Variants in RPH3A observed in about 807,000 individuals in gnomAD.
RPH3A encodes the protein rabphilin 3A.
In RPH3A, 48 loss-of-function variants were observed where a neutral mutation model predicts 102.2. That is an observed-to-expected ratio of 0.47 (90% confidence interval 0.37 to 0.60). RPH3A has a LOEUF of 0.60. Ranked by LOEUF, RPH3A falls within the 20% of genes least tolerant of loss-of-function variation. The pLI is 0.00. For synonymous variants in RPH3A, 310 were observed against 324.3 expected, an observed-to-expected ratio of 0.96 and a Z score of 0.47; for missense variants, 781 against 910.1, an observed-to-expected ratio of 0.86 and a Z score of 1.83.
intron 2 of RPH3A, among the ~76,000 whole-genome samples, chr12:112,817,702 A>G (rs1252655241): frequency 2.0e-5 from 3 of 151,800 alleles, no homozygotes; most frequent in African/African-American, 7.3e-5. Context: ...TTTTGCTTTT[A>G]ATTAGTGTTG....
chr12:112,581,960 C>T (rs1465596407), intron 1 of RPH3A, among the ~76,000 whole-genome samples: 1 of 147,792 alleles, frequency 6.8e-6, no homozygotes, highest in Non-Finnish European at 1.5e-5. Context: ...TTCCTTGACA[C>T]ACCTACCAAC....
chr12:112,660,302 A>G (rs1055258348), intron 1 of RPH3A, among the ~76,000 whole-genome samples: 1 of 152,048 alleles, frequency 6.6e-6, no homozygotes, highest in South Asian at 2.1e-4. Flanking sequence ...CCCTTTCTAT[A>G]TTTGTAACTC....
intron 1 of RPH3A, among the ~76,000 whole-genome samples, chr12:112,659,455 T>C (rs950123355): frequency 6.6e-6 from 1 of 152,214 alleles, no homozygotes; most frequent in Admixed American, 6.5e-5. Flanking sequence ...ATTCAGGTTG[T>C]GCATCTTTAG....
chr12:112,611,480 T>C (rs758183719), intron 1 of RPH3A, among the ~76,000 whole-genome samples: 1 of 152,166 alleles, frequency 6.6e-6, no homozygotes, highest in Non-Finnish European at 1.5e-5. Flanking sequence ...GGATTGTTTT[T>C]TTTTCGGGAG....
intron 1 of RPH3A, among the ~76,000 whole-genome samples, chr12:112,748,088 G>A (rs1440339804): frequency 6.6e-6 from 1 of 152,204 alleles, no homozygotes; most frequent in Non-Finnish European, 1.5e-5. Flanking sequence ...TGGAAGATGG[G>A]GAGAAAAGAC....
At chr12:112,712,918 CTTCTTCCT>C (rs2040476497) in intron 1 of RPH3A, among the ~76,000 whole-genome samples, 1 of 107,840 alleles carries the variant, frequency 9.3e-6, no homozygotes, top group Non-Finnish European at 1.8e-5. Context: ...TCTTCTTCTT[CTTCTTCCT>C]CTTCTTCTTC....
intron 1 of RPH3A, among the ~76,000 whole-genome samples, chr12:112,729,323 C>T (rs1163925901): frequency 6.6e-6 from 1 of 151,956 alleles, no homozygotes; most frequent in African/African-American, 2.4e-5. Flanking sequence ...GCTGAGTCTA[C>T]AGGTAAGTGT....
intron 1 of RPH3A, among the ~76,000 whole-genome samples, chr12:112,615,533 C>T (rs1277607082): frequency 6.6e-6 from 1 of 152,204 alleles, no homozygotes; most frequent in Non-Finnish European, 1.5e-5. Context: ...TAGGGACCCA[C>T]TCATACCAGG....
intron 3 of RPH3A, among the ~76,000 whole-genome samples, chr12:112,834,732 G>T (rs10850085): frequency 2.0e-5 from 3 of 151,770 alleles, no homozygotes; most frequent in Non-Finnish European, 2.9e-5. Flanking sequence ...TTTTTCATTC[G>T]TGTAACTTTT....
intron 4 of RPH3A, among the ~76,000 whole-genome samples, chr12:112,836,889 C>G (rs1476039638): frequency 6.6e-6 from 1 of 152,192 alleles, no homozygotes; most frequent in South Asian, 2.1e-4. Context: ...TAAAAGATGA[C>G]GATGAACAGG....
In RPH3A at chr12:112,692,915, C is replaced by T. The variant is rs562691875; in HGVS notation, c.-139-99228C>T. Among the ~76,000 whole-genome samples the T allele has an allele frequency of 3.9e-5, 6 of 152,298 alleles. No individual in the cohort carries two copies. The South Asian group carries it at 1.0e-3, about 26-fold the overall frequency. ...CATGCAGGTCTTGTCATGCCTGCTCCTGCCCCCGATGCTGATGGGAATCAT... is the reference window on the plus strand; with the variant it reads ...CATGCAGGTCTTGTCATGCCTGCTCTTGCCCCCGATGCTGATGGGAATCAT... On this transcript the variant is annotated intron_variant, in intron 1 of 21. Coordinates refer to the RPH3A transcript ENST00000543106.
intron 1 of RPH3A, among the ~76,000 whole-genome samples, chr12:112,638,956 C>T (rs979746291): frequency 6.6e-6 from 1 of 152,156 alleles, no homozygotes; most frequent in African/African-American, 2.4e-5. Flanking sequence ...TCTTCCTAAG[C>T]ATTAACAGGT....
intron 5 of RPH3A, among the ~76,000 whole-genome samples, chr12:112,857,319 C>A (rs1252501002): frequency 6.6e-6 from 1 of 152,140 alleles, no homozygotes. Context: ...ATGTTCACAT[C>A]CCAATCCCTG....
intron 13 of RPH3A, 85 bp downstream of exon 13, chr12:112,876,951 C>T (rs2042814010): frequency 2.1e-6 from 2 of 949,090 alleles, no homozygotes; most frequent in South Asian, 3.6e-5. Flanking sequence ...CAGGAACAGC[C>T]CTGTCTATCC....
At chr12:112,663,687 T>C (rs2040065773) in intron 1 of RPH3A, among the ~76,000 whole-genome samples, 1 of 152,140 alleles carries the variant, frequency 6.6e-6, no homozygotes, top group Non-Finnish European at 1.5e-5. Context: ...ATTTATTTGC[T>C]AAAATGGGTT....
At chr12:112,833,557 T>C (rs151207741) in intron 3 of RPH3A, among the ~76,000 whole-genome samples, 1 of 152,242 alleles carries the variant, frequency 6.6e-6, no homozygotes. Flanking sequence ...AGAAACACTT[T>C]AGCCCCCTGG....
chr12:112,672,982 G>A (rs1188611618), intron 1 of RPH3A, among the ~76,000 whole-genome samples: 1 of 151,936 alleles, frequency 6.6e-6, no homozygotes, highest in Non-Finnish European at 1.5e-5. Flanking sequence ...CCTTCCCCCT[G>A]CTTGTGATTT....
intron 18 of RPH3A, among the ~76,000 whole-genome samples, chr12:112,890,449 C>T (rs988298112): frequency 2.5e-4 from 38 of 152,282 alleles, no homozygotes; most frequent in African/African-American, 8.7e-4. Context: ...TGCCTGGGTC[C>T]CTCATATGAC....
chr12:112,803,372 C>A (rs1203648845), intron 2 of RPH3A, among the ~76,000 whole-genome samples: 2 of 151,850 alleles, frequency 1.3e-5, no homozygotes, highest in East Asian at 3.9e-4. Flanking sequence ...GAATTAAGGC[C>A]CATGGATGTC....
Sources: allele counts gnomAD v4.1 joint callset (sites outside exome capture counted in the v4.1 genomes callset), GRCh38; gene constraint gnomAD v4.1.1; transcripts MANE v1.5; gene names NCBI Gene and HGNC (gene_info 2026-07-23, HGNC 2026-07-21).